Variants in ZNF280D observed in about 807,000 individuals in gnomAD.
ZNF280D encodes zinc finger protein 280D.
Under a neutral mutation model 94.7 loss-of-function variants are expected in ZNF280D, and 39 were observed. That is an observed-to-expected ratio of 0.41 (90% CI 0.32 to 0.54). ZNF280D has a LOEUF of 0.54. Ranked by LOEUF, ZNF280D falls within the 20% of genes least tolerant of loss-of-function variation. The probability of loss-of-function intolerance (pLI) is 0.22; values close to 1 mark genes in which losing one functional copy is unlikely to be tolerated. For missense variants in ZNF280D, 1,090 were observed against 1,149.3 expected, an observed-to-expected ratio of 0.95 and a Z score of 0.75; for synonymous variants, 398 against 377.6, an observed-to-expected ratio of 1.05 and a Z score of -0.63.
Position 56,666,725 on chromosome 15 carries a change from T to C in ZNF280D, c.1807A>G (p.Ser603Gly), listed in dbSNP as rs1335370285. ...NMQKKQSTLA[S>G]SNKKSKVNTA... Reference sequence around the variant, plus strand: ...TTGACTTTACTTTTTTTATTGCTACTAGCCAATGTGCTTTGTTTCTTTTGC... The same window carrying C: ...TTGACTTTACTTTTTTTATTGCTACCAGCCAATGTGCTTTGTTTCTTTTGC... The change falls in exon 15 of 22, where the codon AGT becomes GGT. Residue 603 changes from serine to glycine, a missense_variant. Ser to Gly is a moderately conservative substitution (Grantham distance 56). Transcript: ENST00000267807. 2 of 1,612,702 alleles carry C rather than the reference T, an allele frequency of 1.2e-6. No individual in the cohort carries two copies. The highest frequency in any genetic ancestry group is 1.7e-6 in the Non-Finnish European group (2 of 1,179,660).
intron 1 of ZNF280D, among the ~76,000 whole-genome samples, chr15:56,725,245 A>G (rs939858822): frequency 6.6e-6 from 1 of 152,120 alleles, no homozygotes; most frequent in Admixed American, 6.5e-5. Context: ...CATTCAGTTA[A>G]TAATGTTAAA....
At chr15:56,678,419 A>G (rs773437480) in intron 11 of ZNF280D, among the ~76,000 whole-genome samples, 15 of 152,208 alleles carry the variant, frequency 9.9e-5, no homozygotes, top group Non-Finnish European at 1.8e-4. Flanking sequence ...TTAGTCCCCA[A>G]CATATAATGC....
chr15:56,732,888 C>T (rs1299321239), intron 1 of ZNF280D: 1 of 152,170 alleles, frequency 6.6e-6, no homozygotes, highest in African/African-American at 2.4e-5. Context: ...TAGACAATAA[C>T]GGGAATTCTA....
chr15:56,636,900 G>C (rs2052382887), intron 20 of ZNF280D, among the ~76,000 whole-genome samples: 1 of 152,110 alleles, frequency 6.6e-6, no homozygotes, highest in African/African-American at 2.4e-5. Context: ...GATTACAGGA[G>C]TGAGCCACCG....
At chr15:56,706,532 AAG>A (rs2057413602) in intron 3 of ZNF280D, among the ~76,000 whole-genome samples, 1 of 152,028 alleles carries the variant, frequency 6.6e-6, no homozygotes, top group African/African-American at 2.4e-5. Context: ...ACAAGTCAAG[AAG>A]AGAGGCCTCA....
rs2054287514 is a variant in ZNF280D, at chr15:56,666,431, G to C, written c.1958C>G (p.Thr653Ser). The C allele has an allele frequency of 6.2e-7, 1 of 1,606,266 alleles. No homozygotes were observed. The highest frequency in any genetic ancestry group is 1.7e-5 in the Admixed American group (1 of 57,926). The change falls in exon 16 of 22, where the codon ACT becomes AGT. Residue 653 changes from threonine (T) to serine (S), a missense_variant. Physicochemically the swap from Thr to Ser is moderately conservative, Grantham distance 58. Around this residue, in one of 3 missense-constraint regions of ZNF280D, gnomAD observed 577 missense variants for 568.8 expected, o/e 1.01. Transcript: ENST00000267807. ...ATTTACATAGGCTTTGCTACAGCTA[G>C]TGTTGTATCTGCAAAAACTACAGTG... Reference protein sequence around the residue: ...YVHCSFCRYNTSCSKAYVNHM... With the variant: ...YVHCSFCRYNSSCSKAYVNHM...
intron 7 of ZNF280D, among the ~76,000 whole-genome samples, chr15:56,690,035 C>A (rs1047947365): frequency 1.3e-5 from 2 of 152,114 alleles, no homozygotes; most frequent in Non-Finnish European, 2.9e-5. Context: ...TTCATCGCTA[C>A]GCAGAAAGTG....
rs575366903 is a variant in ZNF280D at position 56,653,373 on chromosome 15, A to T, written c.2213+825T>A. On this transcript the variant is annotated intron_variant, in intron 19 of 21. Coordinates refer to ENST00000267807, the MANE Select transcript of ZNF280D (RefSeq NM_017661.4). Reference sequence around the variant, plus strand: ...AGTATGCTCAATTTGGTGGGCCTTAAAGCCATCTCTGGCCAAACAACATCA... The same window carrying T: ...AGTATGCTCAATTTGGTGGGCCTTATAGCCATCTCTGGCCAAACAACATCA... The T allele has an allele frequency of 1.2e-5, 15 of 1,293,146 alleles. No individual in the cohort carries two copies. In the South Asian group the frequency reaches 3.6e-4, roughly 31 times the overall value. The allele number at this position is 1,293,146 out of a possible 1,614,324, so 80.1% of individuals were successfully genotyped here.
At chr15:56,666,155 T>C (rs1456465794) in intron 16 of ZNF280D, among the ~76,000 whole-genome samples, 1 of 152,086 alleles carries the variant, frequency 6.6e-6, no homozygotes, top group African/African-American at 2.4e-5. Context: ...GAAAAACTAT[T>C]ACCCTAACAA....
intron 1 of ZNF280D, 55 bp downstream of exon 1, chr15:56,733,378 CGGAGTGAGGCGGCGCAGGCCGCGCG>C (rs1454399484): frequency 1.2e-6 from 1 of 858,528 alleles, no homozygotes; most frequent in Non-Finnish European, 1.4e-6. Context: ...CCAGCGCCCC[CGGAGTGAGGCGGCGCAGGCCGCGCG>C]GGAGGGCCTC....
chr15:56,652,616 C>G, intron 19 of ZNF280D: 1 of 983,270 alleles, frequency 1.0e-6, no homozygotes, highest in Non-Finnish European at 1.2e-6. Flanking sequence ...TTACTGGTCA[C>G]CATATGTATG....
intron 20 of ZNF280D, among the ~76,000 whole-genome samples, chr15:56,638,228 A>C (rs1230639021): frequency 1.3e-5 from 2 of 152,210 alleles, no homozygotes; most frequent in Non-Finnish European, 2.9e-5. Context: ...GATATTATAT[A>C]ATGAAATATT....
chr15:56,633,423 G>T (rs1188715333), intron 21 of ZNF280D, among the ~76,000 whole-genome samples: 1 of 151,596 alleles, frequency 6.6e-6, no homozygotes, highest in Non-Finnish European at 1.5e-5. Flanking sequence ...ATATGTAAAA[G>T]ATATTTATCA....
chr15:56,685,569 C>T (rs2055946441), intron 9 of ZNF280D, among the ~76,000 whole-genome samples: 1 of 152,056 alleles, frequency 6.6e-6, no homozygotes, highest in Non-Finnish European at 1.5e-5. Context: ...AACAAATGCT[C>T]AGACAATATT....
At chr15:56,705,358 C>T (rs537730372) in intron 3 of ZNF280D, among the ~76,000 whole-genome samples, 5 of 152,284 alleles carry the variant, frequency 3.3e-5, no homozygotes, top group African/African-American at 4.8e-5. Flanking sequence ...ATTTATACCA[C>T]GTCTTCTACC....
At position 56,701,231 on chromosome 15, in the gene ZNF280D, C is replaced by T; in HGVS notation, c.183G>A (p.Leu61=). 6.5e-7 allele frequency: 1 copy of T among 1,542,116 alleles called. No homozygotes were observed. The highest frequency in any genetic ancestry group is 8.8e-7 in the Non-Finnish European group (1 of 1,135,490). ...AATATGAGCTGGGGTTAACTCTGTT[C>T]AAAATATCTATAAAAGATTATATTT... ...SSSKPAISNI[L]NRVNPSSYSR... The change falls in exon 5 of 22, where the codon TTG becomes TTA. Residue 61 remains leucine, a synonymous_variant. Transcript: ENST00000267807.
chr15:56,651,114 G>A (rs1391750826), intron 19 of ZNF280D, among the ~76,000 whole-genome samples: 2 of 152,146 alleles, frequency 1.3e-5, no homozygotes, highest in African/African-American at 4.8e-5. Context: ...ACAATGCCAG[G>A]CACAAAGTAG....
intron 1 of ZNF280D, among the ~76,000 whole-genome samples, chr15:56,723,548 A>C (rs1396227249): frequency 6.6e-6 from 1 of 152,210 alleles, no homozygotes; most frequent in Admixed American, 6.5e-5. Flanking sequence ...CTTAAATTAT[A>C]AAAGTTAGTT....
chr15:56,707,209 C>A (rs1479144345), intron 2 of ZNF280D, 54 bp downstream of exon 2: 3 of 1,602,668 alleles, frequency 1.9e-6, no homozygotes, highest in East Asian at 4.5e-5. Context: ...AATATTGAAA[C>A]ATGAAACTTG....
Sources: allele counts gnomAD v4.1 joint callset (sites outside exome capture counted in the v4.1 genomes callset), GRCh38; gene constraint gnomAD v4.1.1; regional missense constraint gnomAD v4.1.1; transcripts MANE v1.5; gene names NCBI Gene and HGNC (gene_info 2026-07-23, HGNC 2026-07-21).